CADM2: variants seen among roughly 807,000 people sequenced by gnomAD.
The protein encoded by CADM2 is immunoglobulin superfamily member 4D.
CADM2 carries 12 observed loss-of-function variants against 49.8 expected under a neutral mutation model. That is an observed-to-expected ratio of 0.24 (90% CI 0.15 to 0.39). The LOEUF (loss-of-function observed/expected upper bound fraction) is 0.39. CADM2 is among the 10% of genes least tolerant of loss of function. The pLI is 1.00. For missense variants in CADM2, 378 were observed against 492.3 expected (o/e 0.77, Z 2.20); for synonymous variants, 214 against 175.4 (o/e 1.22, Z -1.74).
intron 1 of CADM2, among the ~76,000 whole-genome samples, chr3:85,563,881 G>A (rs1356384249): frequency 6.6e-6 from 1 of 152,070 alleles, no homozygotes; most frequent in African/African-American, 2.4e-5. Context: ...CAAGCTTCCT[G>A]TGCCAACATA....
chr3:85,669,744 A>G (rs1281785109), intron 1 of CADM2, among the ~76,000 whole-genome samples: 2 of 152,166 alleles, frequency 1.3e-5, no homozygotes, highest in African/African-American at 4.8e-5. Context: ...AAATATAAAT[A>G]TAACCAATAC....
intron 7 of CADM2, among the ~76,000 whole-genome samples, chr3:85,954,359 T>A (rs1354531802): frequency 6.6e-6 from 1 of 151,062 alleles, no homozygotes; most frequent in Non-Finnish European, 1.5e-5. Flanking sequence ...TTTGTAATGA[T>A]CACTGCAATA....
At chr3:85,499,653 G>T (rs905809088) in intron 1 of CADM2, among the ~76,000 whole-genome samples, 1 of 151,660 alleles carries the variant, frequency 6.6e-6, no homozygotes, top group African/African-American at 2.4e-5. Context: ...GCGTTCCTTT[G>T]ATTTGGATTC....
intron 1 of CADM2, among the ~76,000 whole-genome samples, chr3:84,996,649 G>T (rs1172528143): frequency 2.6e-5 from 4 of 151,974 alleles, no homozygotes; most frequent in African/African-American, 7.2e-5. Flanking sequence ...TATAAGCTTT[G>T]TATTTTTAAT....
intron 1 of CADM2, among the ~76,000 whole-genome samples, chr3:85,320,466 C>T (rs1294873181): frequency 6.6e-6 from 1 of 152,150 alleles, no homozygotes; most frequent in Non-Finnish European, 1.5e-5. Flanking sequence ...AAAGTTTTCT[C>T]TCTGCAGGCA....
At chr3:85,220,867 A>AC (rs2042029255) in intron 1 of CADM2, among the ~76,000 whole-genome samples, 1 of 152,180 alleles carries the variant, frequency 6.6e-6, no homozygotes, top group African/African-American at 2.4e-5. Flanking sequence ...AATACTCTAA[A>AC]CTGAGTCTAT....
chr3:85,107,801 G>T (rs1174931801), intron 1 of CADM2, among the ~76,000 whole-genome samples: 3 of 149,272 alleles, frequency 2.0e-5, no homozygotes, highest in African/African-American at 7.4e-5. Flanking sequence ...CTCGGGTTCA[G>T]CCATTCTCCT....
At chr3:85,736,202 G>T (rs2068127221) in intron 2 of CADM2, among the ~76,000 whole-genome samples, 1 of 152,136 alleles carries the variant, frequency 6.6e-6, no homozygotes, top group Non-Finnish European at 1.5e-5. Flanking sequence ...TTCAACTGGG[G>T]CAAATGCTCT....
chr3:85,461,431 T>C (rs1362222134), intron 1 of CADM2, among the ~76,000 whole-genome samples: 1 of 152,212 alleles, frequency 6.6e-6, no homozygotes, highest in African/African-American at 2.4e-5. Flanking sequence ...TACGCTTTTA[T>C]TGATACTTTT....
At chr3:85,711,111 A>G (rs925249493) in intron 1 of CADM2, among the ~76,000 whole-genome samples, 21 of 152,152 alleles carry the variant, frequency 1.4e-4, no homozygotes, top group Non-Finnish European at 4.4e-5. Context: ...TATCTACAGT[A>G]AAGTAGTTTT....
chr3:85,994,020 A>G (rs1729078607), intron 8 of CADM2: 5 of 152,208 alleles, frequency 3.3e-5, no homozygotes, highest in Admixed American at 3.3e-4. Context: ...AAGCAAGTCA[A>G]TCTGTTCTTA....
At chr3:85,937,577 A>T (rs1287937189) in intron 7 of CADM2, among the ~76,000 whole-genome samples, 1 of 151,890 alleles carries the variant, frequency 6.6e-6, no homozygotes, top group Non-Finnish European at 1.5e-5. Flanking sequence ...CTAAATGTAA[A>T]TTTCCACTTA....
intron 1 of CADM2, among the ~76,000 whole-genome samples, chr3:85,680,614 T>A (rs1443359554): frequency 6.6e-6 from 1 of 152,160 alleles, no homozygotes; most frequent in Non-Finnish European, 1.5e-5. Context: ...CACCCTGCAA[T>A]AAAATTTAAA....
At chr3:85,318,438 T>G (rs1394838622) in intron 1 of CADM2, among the ~76,000 whole-genome samples, 1 of 152,058 alleles carries the variant, frequency 6.6e-6, no homozygotes, top group Non-Finnish European at 1.5e-5. Flanking sequence ...CACTTCGTCC[T>G]AAACAGAATA....
intron 8 of CADM2, among the ~76,000 whole-genome samples, chr3:86,015,973 G>T (rs1345742127): frequency 1.3e-5 from 2 of 151,998 alleles, no homozygotes; most frequent in Non-Finnish European, 2.9e-5. Flanking sequence ...TGTTATTTTT[G>T]ATGAAGAAAA....
At position 85,532,942 on chromosome 3, in the gene CADM2, G is replaced by A. The variant is rs528150687; in HGVS notation, c.62-193580G>A. 4.5e-4 allele frequency among the ~76,000 whole-genome samples: 68 copies of A among 152,270 alleles called. No homozygotes were observed. The South Asian group carries it at 0.013, about 30-fold the overall frequency. ...TACCACATGTTCTCACTTGTAAGTG[G>A]GAGCTAGATGATGAGGAGTCATGGA... On this transcript the variant is annotated intron_variant, in intron 1 of 9. Transcript: ENST00000383699.
At chr3:85,587,227 A>T (rs2062970497) in intron 1 of CADM2, among the ~76,000 whole-genome samples, 1 of 152,110 alleles carries the variant, frequency 6.6e-6, no homozygotes, top group Non-Finnish European at 1.5e-5. Context: ...CTGAGAAAAG[A>T]TAGGAAGTTA....
intron 1 of CADM2, among the ~76,000 whole-genome samples, chr3:84,971,471 G>T (rs905592821): frequency 5.3e-5 from 8 of 151,988 alleles, no homozygotes; most frequent in Admixed American, 1.3e-4. Context: ...AAAACTAATG[G>T]TGTTACCATT....
intron 2 of CADM2, among the ~76,000 whole-genome samples, chr3:85,751,724 A>C (rs1001393730): frequency 1.3e-5 from 2 of 152,188 alleles, no homozygotes; most frequent in African/African-American, 4.8e-5. Context: ...TATTTCTTAA[A>C]GGATCTTTTA....
Sources: gnomAD v4.1 joint callset for allele counts (sites outside exome capture counted in the v4.1 genomes callset) on GRCh38, gnomAD v4.1.1 for gene constraint, MANE v1.5 for transcripts, NCBI Gene and HGNC (gene_info 2026-07-23, HGNC 2026-07-21) for gene names.